The following MYO5B variants were observed in gnomAD, a reference collection of about 807,000 sequenced individuals.
The protein encoded by MYO5B is unconventional myosin-Vb.
MYO5B carries 143 observed loss-of-function variants against 229.3 expected under a neutral mutation model. The ratio of observed to expected loss-of-function variants is 0.62; its 90% CI spans 0.54 to 0.72. The LOEUF is 0.72. MYO5B is among the 30% of genes least tolerant of loss of function. The pLI is 0.00. For missense variants in MYO5B, 2,321 were observed against 2,331.0 expected (o/e 1.00, Z 0.09); for synonymous variants, 918 against 885.2 (o/e 1.04, Z -0.66).
chr18:50,006,440 G>A (rs1291902408), intron 4 of MYO5B, among the ~76,000 whole-genome samples: 1 of 152,182 alleles, frequency 6.6e-6, no homozygotes, highest in Non-Finnish European at 1.5e-5. Context: ...GGTCCACATG[G>A]TCTTCAGAAA....
At chr18:50,159,736 C>T (rs1394611317) in intron 1 of MYO5B, among the ~76,000 whole-genome samples, 6 of 152,182 alleles carry the variant, frequency 3.9e-5, no homozygotes, top group Non-Finnish European at 8.8e-5. Context: ...CAACCAGCTC[C>T]CCTCTCTCCC....
Position 49,984,783 on chromosome 18 carries a change from G to A in MYO5B, c.881C>T (p.Thr294Ile). 1 of 1,613,952 alleles carries A rather than the reference G, an allele frequency of 6.2e-7. No homozygotes were observed. Among genetic ancestry groups the A allele is most frequent in the Non-Finnish European group, 8.5e-7 (1 of 1,179,816 alleles). The change falls in exon 8 of 40, where the codon ACT becomes ATT. Residue 294 changes from threonine to isoleucine, a missense_variant. Thr to Ile is a moderately conservative substitution (Grantham distance 89). Coordinates refer to ENST00000285039, the MANE Select transcript of MYO5B (RefSeq NM_001080467.3). ...DFFYTSQGGD[T>I]SIEGVDDAED... ...AGCATCGTCCACACCCTCGATGGAA[G>A]TGTCTCCTCCCTGTGATGTATAGAA...
chr18:49,864,012 A>T lies in MYO5B; in HGVS notation c.3843+129T>A, dbSNP rs1418248238. The stretch of plus-strand genomic sequence containing the variant: ...GGCTTTTGCTCTGCCTTTTTGGAGG[A>T]GACCCCACAGCGAGAGACTCTGCTC... On this transcript the variant is annotated intron_variant, in intron 28 of 39. Transcript: ENST00000285039. 7.2e-6 allele frequency: 10 copies of T among 1,387,532 alleles called. No homozygotes were observed. In the Admixed American group the frequency reaches 2.0e-4, roughly 28 times the overall value. 86.0% of individuals were successfully genotyped at this position (1,387,532 alleles called of 1,614,324 possible). A position where few individuals can be genotyped will look rare whatever the true frequency, so the allele number is the denominator to read the frequency against.
At chr18:49,829,343 A>T (rs2023887105) in intron 39 of MYO5B, among the ~76,000 whole-genome samples, 1 of 152,224 alleles carries the variant, frequency 6.6e-6, no homozygotes. Flanking sequence ...AACACCAACA[A>T]ATTGGATAAC....
At chr18:49,911,974 C>CAA in intron 18 of MYO5B, 88 bp downstream of exon 18, 4 of 872,066 alleles carry the variant, frequency 4.6e-6, no homozygotes, top group Non-Finnish European at 5.5e-6. Context: ...GGATGAAGAC[C>CAA]AAAAAAAAAA....
Position 49,826,135 on chromosome 18 carries a change from T to C in MYO5B, c.*336A>G. The C allele has an allele frequency of 3.0e-6, 1 of 338,534 alleles. No individual in the cohort carries two copies. The highest frequency in any genetic ancestry group is 2.7e-5 in the South Asian group (1 of 36,376). 21.0% of individuals were successfully genotyped at this position (338,534 alleles called of 1,614,324 possible). A position where few individuals can be genotyped will look rare whatever the true frequency, so the allele number is the denominator to read the frequency against. On this transcript the variant is annotated 3_prime_UTR_variant, in exon 40 of 40. Transcript: ENST00000285039. ...TTTTAATTTGGACATTCTCTAGTTC[T>C]ATGCAAAGATCAAAACTAGGCAGCT...
chr18:50,117,640 GAA>G (rs1309264701), intron 1 of MYO5B, among the ~76,000 whole-genome samples: 1 of 151,868 alleles, frequency 6.6e-6, no homozygotes, highest in African/African-American at 2.4e-5. Context: ...AGTGCATTAA[GAA>G]AACAGGGCCA....
In MYO5B at chr18:50,001,249, C is replaced by T; in HGVS notation, c.612+6G>A. 1 of 1,614,170 alleles carries T rather than the reference C, an allele frequency of 6.2e-7. No homozygotes were observed. Among genetic ancestry groups the T allele is most frequent in the Non-Finnish European group, 8.5e-7 (1 of 1,180,004 alleles). ...CAGGAAGGCCAGGACACCTAGAAGG[C>T]TTTACCTCCATGATGGGACTGGATG... On this transcript the variant is annotated splice_donor_region_variant and intron_variant, in intron 5 of 39. Coordinates refer to ENST00000285039, the MANE Select transcript of MYO5B (RefSeq NM_001080467.3).
At chr18:50,069,168 G>A (rs1303371733) in intron 1 of MYO5B, among the ~76,000 whole-genome samples, 4 of 151,576 alleles carry the variant, frequency 2.6e-5, no homozygotes, top group African/African-American at 4.8e-5. Flanking sequence ...AATGTTCCCC[G>A]GTTAAAAAAA....
At chr18:50,008,098 A>T (rs1382409096) in intron 4 of MYO5B, among the ~76,000 whole-genome samples, 5 of 152,316 alleles carry the variant, frequency 3.3e-5, no homozygotes, top group Admixed American at 3.3e-4. Flanking sequence ...TTCCTGTATA[A>T]TAAAGCAGCC....
chr18:49,847,566 C>A (rs373234542), intron 32 of MYO5B, among the ~76,000 whole-genome samples: 15 of 152,190 alleles, frequency 9.9e-5, no homozygotes, highest in African/African-American at 3.6e-4. Flanking sequence ...AGGAAACATC[C>A]GAAAAGACAG....
chr18:50,161,986 CT>C (rs1257600644), intron 1 of MYO5B, among the ~76,000 whole-genome samples: 1 of 152,242 alleles, frequency 6.6e-6, no homozygotes, highest in Non-Finnish European at 1.5e-5. Flanking sequence ...TTGGCATCCA[CT>C]TTTTTGTTCA....
rs1160226540 is a variant in MYO5B, at chr18:49,829,070, C to G, written c.5395-2447G>C. ...AAAACAAATGAAATCAAAGTTGGTT[C>G]AAAAAATTGACAATTTTTTTTTTTT... On this transcript the variant is annotated intron_variant, in intron 39 of 39. Transcript: ENST00000285039. 3.7e-5 allele frequency among the ~76,000 whole-genome samples: 5 copies of G among 135,790 alleles called. No individual in the cohort carries two copies. The Admixed American group carries it at 4.1e-4, about 11-fold the overall frequency. 89.1% of individuals were successfully genotyped at this position (135,790 alleles called of 152,430 possible).
chr18:50,123,724 C>T (rs1309571601), intron 1 of MYO5B, among the ~76,000 whole-genome samples: 2 of 152,084 alleles, frequency 1.3e-5, no homozygotes, highest in Non-Finnish European at 2.9e-5. Flanking sequence ...AGTTAAGGCT[C>T]TATAAGATGA....
rs1332431217 is a variant in MYO5B, at chr18:49,863,175, C to G, written c.3944+52G>C. ...AAAACCCCAAACAGACTCGTTTGGG[C>G]AGGGCCCTTCTCCGCGGCCTCGTCC... is the stretch of plus-strand genomic sequence containing the variant. On this transcript the variant is annotated intron_variant, in intron 29 of 39. Transcript: ENST00000285039. 4.3e-6 allele frequency: 6 copies of G among 1,401,818 alleles called. No individual in the cohort carries two copies. In the African/African-American group the frequency reaches 7.1e-5, roughly 17 times the overall value. The allele number at this position is 1,401,818 out of a possible 1,614,324, so 86.8% of individuals were successfully genotyped here.
At chr18:49,867,336 G>A (rs548287699) in intron 27 of MYO5B, among the ~76,000 whole-genome samples, 1 of 152,284 alleles carries the variant, frequency 6.6e-6, no homozygotes, top group East Asian at 1.9e-4. Flanking sequence ...GACAAGATGG[G>A]GTTTCAGGGT....
intron 14 of MYO5B, among the ~76,000 whole-genome samples, chr18:49,937,779 G>A (rs1175469124): frequency 6.6e-6 from 1 of 151,162 alleles, no homozygotes; most frequent in Non-Finnish European, 1.5e-5. Context: ...AATATCCAGG[G>A]AATAGAAAGT....
At chr18:50,113,438 T>G (rs750021076) in intron 1 of MYO5B, among the ~76,000 whole-genome samples, 2 of 152,212 alleles carry the variant, frequency 1.3e-5, no homozygotes, top group African/African-American at 2.4e-5. Flanking sequence ...ACATTTGTGT[T>G]AAGATGGGGG....
intron 1 of MYO5B, among the ~76,000 whole-genome samples, chr18:50,101,883 G>T (rs531272289): frequency 5.3e-4 from 80 of 152,120 alleles, no homozygotes; most frequent in African/African-American, 1.9e-3. Flanking sequence ...CCCATTACTG[G>T]GTATATACCC....
Sources: gnomAD v4.1 joint callset for allele counts (sites outside exome capture counted in the v4.1 genomes callset) on GRCh38, gnomAD v4.1.1 for gene constraint, MANE v1.5 for transcripts, NCBI Gene and HGNC (gene_info 2026-07-23, HGNC 2026-07-21) for gene names.